Variants in RBMXL1 observed in about 807,000 individuals in gnomAD.
RBMXL1 encodes the protein RBMX like 1.
A neutral mutation model predicts 29.0 loss-of-function variants in RBMXL1; 18 were observed. That is an observed-to-expected ratio of 0.62 (90% CI 0.43 to 0.92). The LOEUF is 0.92. Among genes scored for constraint, RBMXL1 ranks in the 40% least tolerant of loss-of-function variants. The pLI is 0.00. For synonymous variants in RBMXL1, 141 were observed against 170.4 expected, an observed-to-expected ratio of 0.83 and a Z score of 1.34; for missense variants, 403 against 495.8, an observed-to-expected ratio of 0.81 and a Z score of 1.78.
Position 88,982,439 on chromosome 1 carries a change from G to A in RBMXL1, c.*215C>T. On this transcript the variant is annotated 3_prime_UTR_variant, in exon 3 of 3. Transcript: ENST00000652648. ...GGCTTAACACATTTAACATTTGCTT[G>A]TTGAAAAGCAATGTCATAAAGTCAA... The A allele has an allele frequency of 1.0e-6, 1 of 991,480 alleles. No homozygotes were observed. The highest frequency in any genetic ancestry group is 1.4e-6 in the Non-Finnish European group (1 of 702,708). The allele number at this position is 991,480 out of a possible 1,614,324, so 61.4% of individuals were successfully genotyped here. A position where few individuals can be genotyped will look rare whatever the true frequency, so the allele number is the denominator to read the frequency against.
intron 1 of RBMXL1, among the ~76,000 whole-genome samples, chr1:88,991,614 A>G (rs1677799248): frequency 1.3e-5 from 2 of 152,238 alleles, no homozygotes; most frequent in South Asian, 4.1e-4. Context: ...TTAGAACAAG[A>G]GCGGAAAGAA....
chr1:88,989,699 G>A (rs1677676381), intron 1 of RBMXL1, among the ~76,000 whole-genome samples: 1 of 152,162 alleles, frequency 6.6e-6, no homozygotes, highest in South Asian at 2.1e-4. Context: ...CAGACTGGGT[G>A]AGCCATACTC....
Position 88,982,962 on chromosome 1 carries a change from C to T in RBMXL1, c.865G>A (p.Gly289Ser), listed in dbSNP as rs765508223. The T allele has an allele frequency of 6.2e-7, 1 of 1,613,720 alleles. No homozygotes were observed. Among genetic ancestry groups the T allele is most frequent in the Admixed American group, 1.7e-5 (1 of 59,998 alleles). ...GSYRDSYESY[G>S]NSRSAPLTRG... Reference sequence around the variant, plus strand: ...GTAAGTGGAGCACTACGTGAGTTACCATAACTCTCATATGAATCTCTGTAG... The same window carrying T: ...GTAAGTGGAGCACTACGTGAGTTACTATAACTCTCATATGAATCTCTGTAG... The change falls in exon 3 of 3, where the codon GGT (glycine) becomes AGT (serine). Residue 289 changes from glycine to serine, a missense_variant. Gly to Ser is a moderately conservative substitution (Grantham distance 56, BLOSUM62 0). Transcript: ENST00000652648.
In RBMXL1 at chr1:88,982,776, A is replaced by G. The variant is rs766599433; in HGVS notation, c.1051T>C (p.Ser351Pro). 1 of 1,613,924 alleles carries G rather than the reference A, an allele frequency of 6.2e-7. No homozygotes were observed. Among genetic ancestry groups the G allele is most frequent in the Non-Finnish European group, 8.5e-7 (1 of 1,179,866 alleles). ...GAAGAAGGGTACCCCCTTTCTACAG[A>G]AGGGGGAAGCCCTCTTTCTTGTCTG... ...VGRQERGLPP[S>P]VERGYPSSRD... Residue 351 changes from serine (S) to proline (P), a missense_variant, in exon 3 of 3, where the codon TCT (serine) becomes CCT (proline). By Grantham distance (74) the Ser-to-Pro change is moderately conservative. Transcript: ENST00000652648.
intron 1 of RBMXL1, among the ~76,000 whole-genome samples, chr1:88,992,086 T>C (rs894217267): frequency 1.3e-5 from 2 of 151,116 alleles, no homozygotes; most frequent in Non-Finnish European, 3.0e-5. Context: ...TCACGCCATT[T>C]TCCTGCCTCA....
At position 88,981,417 on chromosome 1, in the gene RBMXL1, C is replaced by T. The variant is rs1240603129; in HGVS notation, c.*1237G>A. ...AAGCTGTAAAATCTGTGTAAAGGAC[C>T]ACGAGAACCTCCTGACTACCTCCAC... On this transcript the variant is annotated 3_prime_UTR_variant, in exon 3 of 3. Transcript: ENST00000652648. 2 of 152,474 alleles carry T rather than the reference C, an allele frequency of 1.3e-5. No homozygotes were observed. The highest frequency in any genetic ancestry group is 2.9e-5 in the Non-Finnish European group (2 of 68,206). 9.4% of individuals were successfully genotyped at this position (152,474 alleles called of 1,614,324 possible).
At chr1:88,986,857 C>T (rs61766153) in intron 2 of RBMXL1, among the ~76,000 whole-genome samples, 8,931 of 152,190 alleles carry the variant, frequency 0.059, 446 homozygotes, top group Admixed American at 0.16. Flanking sequence ...GTTTTTCATT[C>T]GTCCAGCAAT....
rs1367629804 is a variant in RBMXL1 at position 88,983,969 on chromosome 1, C to T, written c.-143G>A. ...CCGCGAAGCCGCTAGCACTACTGCGCAATCTGGATGCTTTTTAAGGTATGG... is the reference window on the plus strand; with the variant it reads ...CCGCGAAGCCGCTAGCACTACTGCGTAATCTGGATGCTTTTTAAGGTATGG... On this transcript the variant is annotated 5_prime_UTR_variant, in exon 3 of 3. Transcript: ENST00000652648. 2.2e-6 allele frequency: 2 copies of T among 897,006 alleles called. No homozygotes were observed. Among genetic ancestry groups the T allele is most frequent in the East Asian group, 4.9e-5 (2 of 40,882 alleles). The allele number at this position is 897,006 out of a possible 1,614,324, so 55.6% of individuals were successfully genotyped here.
chr1:88,984,945 TACTTCATATC>T (rs1383090800), intron 2 of RBMXL1, among the ~76,000 whole-genome samples: 12 of 152,402 alleles, frequency 7.9e-5, no homozygotes, highest in African/African-American at 2.9e-4. Flanking sequence ...TCTGTCTGGT[TACTTCATATC>T]ACATGAGTGA....
At chr1:88,984,203 G>GATTTT (rs1557707537) in intron 2 of RBMXL1, 137 bp from the exon 3 acceptor site, 1 of 98,302 alleles carries the variant, frequency 1.0e-5, no homozygotes, top group Admixed American at 9.5e-5. Flanking sequence ...TTTTTTTGTT[G>GATTTT]CTTTTTTTTT....
chr1:88,987,987 G>C (rs918046198), intron 2 of RBMXL1, among the ~76,000 whole-genome samples: 1 of 152,076 alleles, frequency 6.6e-6, no homozygotes, highest in Non-Finnish European at 1.5e-5. Flanking sequence ...CATGCCACTG[G>C]ACCTATATTC....
At chr1:88,984,699 C>T (rs767371164) in intron 2 of RBMXL1, among the ~76,000 whole-genome samples, 2 of 152,154 alleles carry the variant, frequency 1.3e-5, no homozygotes, top group Non-Finnish European at 2.9e-5. Context: ...GAAAACTATG[C>T]ACTGGCCACA....
Position 88,983,903 on chromosome 1 carries a change from C to A in RBMXL1, c.-77G>T. On this transcript the variant is annotated 5_prime_UTR_variant, in exon 3 of 3. Transcript: ENST00000652648. ...AAGCTCGCCGACAGGGGCTTCCTAG[C>A]AGCTCAGCACCAGTGGCGGCTGTCA... is the stretch of plus-strand genomic sequence containing the variant. The A allele has an allele frequency of 6.4e-7, 1 of 1,564,268 alleles. No individual in the cohort carries two copies. Among genetic ancestry groups the A allele is most frequent in the Non-Finnish European group, 8.8e-7 (1 of 1,136,702 alleles).
chr1:88,992,014 T>C (rs10922534), intron 1 of RBMXL1, among the ~76,000 whole-genome samples: 29,131 of 149,748 alleles, frequency 0.19, 3,570 homozygotes, highest in Non-Finnish European at 0.26. Flanking sequence ...AGTCTTGCTC[T>C]GTCGCCCAGG....
In RBMXL1 at chr1:88,982,419, A is replaced by C. The variant is rs185783620; in HGVS notation, c.*235T>G. 210 of 926,748 alleles carry C rather than the reference A, an allele frequency of 2.3e-4. No individual in the cohort carries two copies. In the African/African-American group the frequency reaches 3.3e-3, roughly 15 times the overall value. 57.4% of individuals were successfully genotyped at this position (926,748 alleles called of 1,614,324 possible). On this transcript the variant is annotated 3_prime_UTR_variant, in exon 3 of 3. Coordinates refer to ENST00000652648, the MANE Select transcript of RBMXL1 (RefSeq NM_001162536.3). ...TTACAACACTAGTACTACAAGGCTT[A>C]ACACATTTAACATTTGCTTGTTGAA...
chr1:88,985,609 C>G (rs1205888505), intron 2 of RBMXL1, among the ~76,000 whole-genome samples: 2 of 152,270 alleles, frequency 1.3e-5, no homozygotes, highest in East Asian at 3.9e-4. Context: ...GTGAAGTAGG[C>G]AGGTTACCTG....
rs1235724584 is a variant in RBMXL1, at chr1:88,981,106, G to A, written c.*1548C>T. The A allele has an allele frequency of 7.9e-5, 12 of 152,220 alleles. No individual in the cohort carries two copies. Among genetic ancestry groups the A allele is most frequent in the Admixed American group, 7.9e-4 (12 of 15,278 alleles). 9.4% of individuals were successfully genotyped at this position (152,220 alleles called of 1,614,324 possible). ...CTAAAACTTGTTTCCAAGACGGGGAGGTAAAGCAGGCTTATAAAACAATAC... is the reference window on the plus strand; with the variant it reads ...CTAAAACTTGTTTCCAAGACGGGGAAGTAAAGCAGGCTTATAAAACAATAC... On this transcript the variant is annotated 3_prime_UTR_variant, in exon 3 of 3. Coordinates refer to ENST00000652648, the MANE Select transcript of RBMXL1 (RefSeq NM_001162536.3).
chr1:88,991,121 G>T (rs899596408), intron 1 of RBMXL1, among the ~76,000 whole-genome samples: 1 of 152,118 alleles, frequency 6.6e-6, no homozygotes, highest in Non-Finnish European at 1.5e-5. Context: ...TATTATCAAC[G>T]GTTTAGACTG....
In RBMXL1 at chr1:88,982,105, T is replaced by C. The variant is rs1364453156; in HGVS notation, c.*549A>G. 2 of 986,604 alleles carry C rather than the reference T, an allele frequency of 2.0e-6. No homozygotes were observed. The highest frequency in any genetic ancestry group is 5.2e-4 in the Middle Eastern group (1 of 1,932). The allele number at this position is 986,604 out of a possible 1,614,324, so 61.1% of individuals were successfully genotyped here. A position where few individuals can be genotyped will look rare whatever the true frequency, so the allele number is the denominator to read the frequency against. On this transcript the variant is annotated 3_prime_UTR_variant, in exon 3 of 3. Coordinates refer to ENST00000652648, the MANE Select transcript of RBMXL1 (RefSeq NM_001162536.3). ...AAGGCAAAATGGCCAGCATTATCCA[T>C]TTGCTTTTTTTGGGTTTACTGGGTG...
Sources: allele counts gnomAD v4.1 joint callset (sites outside exome capture counted in the v4.1 genomes callset), GRCh38; gene constraint gnomAD v4.1.1; transcripts MANE v1.5; gene names NCBI Gene and HGNC (gene_info 2026-07-23, HGNC 2026-07-21).